Variants in MUC6 observed in about 807,000 individuals in gnomAD.
The protein encoded by MUC6 is mucin 6, oligomeric mucus/gel-forming (gene/pseudogene).
A neutral mutation model predicts 201.5 loss-of-function variants in MUC6; 188 were observed. That is an observed-to-expected ratio of 0.93 (90% CI 0.83 to 1.05). MUC6 has a LOEUF of 1.05. Ranked by LOEUF, MUC6 falls within the 50% of genes least tolerant of loss-of-function variation. MUC6 has a pLI of 0.00. For synonymous variants in MUC6, 1,228 were observed against 1,389.4 expected, an observed-to-expected ratio of 0.88 and a Z score of 2.58; for missense variants, 2,706 against 3,256.9, an observed-to-expected ratio of 0.83 and a Z score of 4.12.
At chr11:1,019,519 A>C (rs748387704) in intron 29 of MUC6, 23 bp from the exon 30 acceptor site, 29 of 1,598,404 alleles carry the variant, frequency 1.8e-5, no homozygotes, top group Non-Finnish European at 2.3e-5. Flanking sequence ...GCCGCCCGGA[A>C]CATCCCCTTG....
chr11:1,014,909 C>T (rs377617373), intron 31 of MUC6, among the ~76,000 whole-genome samples: 5 of 152,248 alleles, frequency 3.3e-5, no homozygotes, highest in African/African-American at 1.2e-4. Context: ...TCCCTGGTTA[C>T]ACCTTGCACC....
chr11:1,026,139 G>A lies in MUC6; in HGVS notation c.2549C>T (p.Ser850Phe). Reference sequence around the variant, plus strand: ...ACAGGCCCACCTCCCCCTTGAGCAGGAGCTGTGGAGACAGCAGGTGTGGGT... The same window carrying A: ...ACAGGCCCACCTCCCCCTTGAGCAGAAGCTGTGGAGACAGCAGGTGTGGGT... Reference protein sequence around the residue: ...AELHTDCRTCSCSRGRWACQQ... With the variant: ...AELHTDCRTCFCSRGRWACQQ... The change falls in exon 21 of 33, where the codon TCC becomes TTC. Residue 850 changes from serine to phenylalanine, a missense_variant and splice_region_variant. This residue lies in a region of MUC6 where 1,850 missense variants were observed against 1,958.3 expected (regional missense o/e 0.94). Coordinates refer to ENST00000421673, the MANE Select transcript of MUC6 (RefSeq NM_005961.3). 1 of 1,594,184 alleles carries A rather than the reference G, an allele frequency of 6.3e-7. No individual in the cohort carries two copies. The highest frequency in any genetic ancestry group is 8.5e-7 in the Non-Finnish European group (1 of 1,171,482).
At chr11:1,032,452 ATG>A (rs945561993) in intron 2 of MUC6, among the ~76,000 whole-genome samples, 29 of 148,788 alleles carry the variant, frequency 1.9e-4, no homozygotes, top group Admixed American at 6.7e-5. Context: ...TTGCATGCAC[ATG>A]TGTGTTTGTG....
Position 1,016,183 on chromosome 11 carries a change from A to G in MUC6, c.6618T>C (p.Thr2206=), listed in dbSNP as rs745745683. ...TGTGGGGGAGAGTGGCCCTAATGGT[A>G]GTAGAGGCAGCTGGAGAAGAAGGAA... is the stretch of plus-strand genomic sequence containing the variant. ...PLFPSSPAAS[T]TIRATLPHTI... The change falls in exon 31 of 33, where the codon ACT becomes ACC. Residue 2206 remains threonine (T), a synonymous_variant. Transcript: ENST00000421673. 2.2e-5 allele frequency: 35 copies of G among 1,613,302 alleles called. No individual in the cohort carries two copies. Among genetic ancestry groups the G allele is most frequent in the East Asian group, 6.7e-5 (3 of 44,874 alleles).
chr11:1,032,193 G>A (rs1038839502), intron 2 of MUC6, 140 bp from the exon 3 acceptor site: 7 of 1,168,236 alleles, frequency 6.0e-6, no homozygotes, highest in Admixed American at 4.8e-5. Flanking sequence ...CCAGACATCC[G>A]ATGAACCTGA....
intron 31 of MUC6, among the ~76,000 whole-genome samples, chr11:1,015,059 C>T (rs1295093962): frequency 6.6e-6 from 1 of 152,216 alleles, no homozygotes; most frequent in African/African-American, 2.4e-5. Flanking sequence ...GACCCAGTCC[C>T]TGGGTGGTTG....
chr11:1,019,961 T>C lies in MUC6; in HGVS notation c.3808+129A>G, dbSNP rs1415358137. The C allele has an allele frequency of 2.4e-6, 3 of 1,247,490 alleles. No individual in the cohort carries two copies. The Admixed American group carries it at 6.1e-5, about 25-fold the overall frequency. 77.3% of individuals were successfully genotyped at this position (1,247,490 alleles called of 1,614,324 possible). Reference sequence around the variant, plus strand: ...AGTTTGGCTCCCAAGCATAGGAAGTTCTACGCTGGGAATCTGCTTAGTGGC... The same window carrying C: ...AGTTTGGCTCCCAAGCATAGGAAGTCCTACGCTGGGAATCTGCTTAGTGGC... On this transcript the variant is annotated intron_variant, in intron 29 of 32. Coordinates refer to ENST00000421673, the MANE Select transcript of MUC6 (RefSeq NM_005961.3).
chr11:1,015,612 G>A lies in MUC6; in HGVS notation c.7039+150C>T, dbSNP rs185937236. 2.9e-3 allele frequency: 3,862 copies of A among 1,336,996 alleles called. 10 individuals carry two copies. The highest frequency in any genetic ancestry group is 3.5e-3 in the Non-Finnish European group (3,633 of 1,026,632). The allele number at this position is 1,336,996 out of a possible 1,614,324, so 82.8% of individuals were successfully genotyped here. On this transcript the variant is annotated intron_variant, in intron 31 of 32. Coordinates refer to ENST00000421673, the MANE Select transcript of MUC6 (RefSeq NM_005961.3). ...AGAGGGTGCCCAGGAGAGGAGAGTGGAAACGCCTGGCAGGTGTGTAGGGAA... is the reference window on the plus strand; with the variant it reads ...AGAGGGTGCCCAGGAGAGGAGAGTGAAAACGCCTGGCAGGTGTGTAGGGAA...
rs1297540375 is a variant in MUC6 at position 1,024,028 on chromosome 11, GAC to G, written c.3299_3300del (p.Cys1100SerfsTer84). 6 of 1,611,638 alleles carry G rather than the reference GAC, an allele frequency of 3.7e-6. No homozygotes were observed. The South Asian group carries it at 6.6e-5, about 18-fold the overall frequency. On this transcript the variant is annotated frameshift_variant, in exon 25 of 33. Coordinates refer to ENST00000421673, the MANE Select transcript of MUC6 (RefSeq NM_005961.3). LOFTEE classifies it high-confidence loss of function. ...CGCDSGGDCE[C>X]LCDAVAAYAQ... Reference sequence around the variant, plus strand: ...GCGTAGGCAGCCACGGCATCGCACAGACACTCACAGTCCCCGCCACTGTCACA... The same window carrying G: ...GCGTAGGCAGCCACGGCATCGCACAGACTCACAGTCCCCGCCACTGTCACA...
chr11:1,036,585 G>A lies in MUC6; in HGVS notation c.52+19C>T, dbSNP rs1161028297. 4.5e-6 allele frequency: 7 copies of A among 1,548,722 alleles called. No individual in the cohort carries two copies. The highest frequency in any genetic ancestry group is 6.1e-6 in the Non-Finnish European group (7 of 1,146,270). ...CTCTGAGGGCACCGCAGTGTCTGGC[G>A]CCCCTCGACCTCACTCACCAGCGCT... is the stretch of plus-strand genomic sequence containing the variant. On this transcript the variant is annotated intron_variant, in intron 1 of 32. Transcript: ENST00000421673.
intron 13 of MUC6, 57 bp from the exon 14 acceptor site, chr11:1,028,444 C>A: frequency 6.3e-7 from 1 of 1,587,568 alleles, no homozygotes; most frequent in Non-Finnish European, 8.6e-7. Flanking sequence ...CCCATTCCTG[C>A]CCACACGCCC....
chr11:1,032,834 T>C (rs1857140586), intron 2 of MUC6, among the ~76,000 whole-genome samples, 179 bp downstream of exon 2: 1 of 151,366 alleles, frequency 6.6e-6, no homozygotes, highest in African/African-American at 2.4e-5. Context: ...CAGGTGTGTG[T>C]GCATGTGTAT....
rs370146685 is a variant in MUC6 at position 1,028,888 on chromosome 11, C to T, written c.1453+1G>A. On this transcript the variant is annotated splice_donor_variant, in intron 12 of 32. Transcript: ENST00000421673. LOFTEE classifies it high-confidence loss of function. The stretch of plus-strand genomic sequence containing the variant: ...GGGCCACAGACTGGGCCAGGACGTA[C>T]GAGTCTTGTATGGCAGCCACTTGGC... The T allele has an allele frequency of 1.8e-5, 29 of 1,612,176 alleles. No individual in the cohort carries two copies. Among genetic ancestry groups the T allele is most frequent in the Middle Eastern group, 1.6e-4 (1 of 6,084 alleles).
Position 1,031,245 on chromosome 11 carries a change from C to G in MUC6, c.498G>C (p.Arg166=), listed in dbSNP as rs760807068. 2.5e-6 allele frequency: 4 copies of G among 1,575,246 alleles called. No homozygotes were observed. In the South Asian group the frequency reaches 4.7e-5, roughly 18 times the overall value. Residue 166 remains arginine (R), a synonymous_variant, in exon 5 of 33, where the codon CGG becomes CGC. Transcript: ENST00000421673. ...GCCCGCACATCTGACCCATGTACTT[C>G]CGCTCCACCAGAACCTGCGGGAGAC... ...PDSHLMVLVE[R]KYMGQMCGLC...
intron 31 of MUC6, among the ~76,000 whole-genome samples, chr11:1,015,281 T>A (rs1396166443): frequency 6.6e-6 from 1 of 152,178 alleles, no homozygotes; most frequent in Non-Finnish European, 1.5e-5. Context: ...GGTTGCCAGG[T>A]CCAGCTCCAC....
Position 1,027,527 on chromosome 11 carries a change from A to G in MUC6, c.1982-10T>C. The G allele has an allele frequency of 6.2e-7, 1 of 1,609,982 alleles. No homozygotes were observed. The highest frequency in any genetic ancestry group is 2.2e-5 in the East Asian group (1 of 44,794). Reference sequence around the variant, plus strand: ...CCCGTGCAGGGGATGGCTGTGGGGGACCCGGGCATCAGACTCTCCGGGAGG... The same window carrying G: ...CCCGTGCAGGGGATGGCTGTGGGGGGCCCGGGCATCAGACTCTCCGGGAGG... On this transcript the variant is annotated splice_polypyrimidine_tract_variant and intron_variant, in intron 16 of 32. Transcript: ENST00000421673.
rs563802090 is a variant in MUC6 at position 1,036,039 on chromosome 11, G to A, written c.52+565C>T. ...TGGATCCTGCCCGAGCTGGGTAGGG[G>A]AGCGCGGGGGAGAGGGCAGGCTGCC... On this transcript the variant is annotated intron_variant, in intron 1 of 32. Transcript: ENST00000421673. Among the ~76,000 whole-genome samples the A allele has an allele frequency of 3.7e-4, 56 of 152,208 alleles. No homozygotes were observed. The South Asian group carries it at 0.011, about 30-fold the overall frequency.
At chr11:1,023,724 G>T in intron 25 of MUC6, 72 bp from the exon 26 acceptor site, 1 of 1,577,678 alleles carries the variant, frequency 6.3e-7, no homozygotes, top group South Asian at 1.2e-5. Context: ...TGGTTCCCCT[G>T]GGCATGCATG....
At chr11:1,034,956 C>T (rs917976991) in intron 1 of MUC6, among the ~76,000 whole-genome samples, 1 of 152,194 alleles carries the variant, frequency 6.6e-6, no homozygotes, top group Non-Finnish European at 1.5e-5. Flanking sequence ...CCCAGACTGG[C>T]TGTGCTTCCC....
Sources: gnomAD v4.1 joint callset for allele counts (sites outside exome capture counted in the v4.1 genomes callset) on GRCh38, gnomAD v4.1.1 for gene constraint, gnomAD v4.1.1 regional missense constraint, MANE v1.5 for transcripts, NCBI Gene and HGNC (gene_info 2026-07-23, HGNC 2026-07-21) for gene names.